Variants in TBC1D9 observed in about 807,000 individuals in gnomAD.
TBC1D9 encodes TBC1 domain family member 9A.
TBC1D9 carries 63 observed loss-of-function variants against 132.0 expected under a neutral mutation model. That is an observed-to-expected ratio of 0.48 (90% CI 0.39 to 0.59). The LOEUF is 0.59. Among genes scored for constraint, TBC1D9 ranks in the 20% least tolerant of loss-of-function variants. The pLI is 0.00. For missense variants in TBC1D9, 1,261 were observed against 1,592.7 expected (o/e 0.79, Z 3.54); for synonymous variants, 610 against 609.9 (o/e 1.00, Z 0.00).
In TBC1D9 at chr4:140,624,108, G is replaced by T; in HGVS notation, c.3078+8C>A. On this transcript the variant is annotated splice_region_variant and intron_variant, in intron 20 of 20. Transcript: ENST00000442267. ...TTGAAGCGAATGATTTGAACTTTAAGCACTTACCTGATTTAATTTGGGTAA... is the reference window on the plus strand; with the variant it reads ...TTGAAGCGAATGATTTGAACTTTAATCACTTACCTGATTTAATTTGGGTAA... The T allele has an allele frequency of 6.3e-7, 1 of 1,591,660 alleles. No homozygotes were observed. Among genetic ancestry groups the T allele is most frequent in the Non-Finnish European group, 8.6e-7 (1 of 1,165,808 alleles).
chr4:140,730,004 C>A (rs1738563191), intron 1 of TBC1D9, among the ~76,000 whole-genome samples: 1 of 152,032 alleles, frequency 6.6e-6, no homozygotes, highest in African/African-American at 2.4e-5. Flanking sequence ...GGCCAAAATT[C>A]TCCATTTTAG....
chr4:140,654,977 G>A (rs1737243481), intron 13 of TBC1D9, among the ~76,000 whole-genome samples: 2 of 151,934 alleles, frequency 1.3e-5, no homozygotes, highest in Admixed American at 1.3e-4. Flanking sequence ...AGGGAACTAG[G>A]TAAATAAATT....
At position 140,624,181 on chromosome 4, in the gene TBC1D9, T is replaced by G; in HGVS notation, c.3013A>C (p.Arg1005=). ...ANSQENRNYL[R]LWTPENKSKS... ...GATTTATTTTCTGGAGTCCACAGTC[T>G]CAAATAATTACGATTTTCTTGGGAA... The change falls in exon 20 of 21, where the codon AGA becomes CGA. Residue 1005 remains arginine (R), a synonymous_variant. Transcript: ENST00000442267. 1 of 1,612,240 alleles carries G rather than the reference T, an allele frequency of 6.2e-7. No homozygotes were observed. Among genetic ancestry groups the G allele is most frequent in the Non-Finnish European group, 8.5e-7 (1 of 1,178,970 alleles).
intron 1 of TBC1D9, among the ~76,000 whole-genome samples, chr4:140,723,375 G>A (rs7659321): frequency 0.39 from 59,359 of 151,996 alleles, 13,900 homozygotes; most frequent in African/African-American, 0.65. Context: ...TCACTCTGTC[G>A]CCCAGGCCAG....
chr4:140,684,308 T>A (rs1283907576), intron 3 of TBC1D9, among the ~76,000 whole-genome samples: 1 of 152,024 alleles, frequency 6.6e-6, no homozygotes, highest in African/African-American at 2.4e-5. Flanking sequence ...CATAAGGTGT[T>A]TGGATTATGG....
intron 1 of TBC1D9, 91 bp downstream of exon 1, chr4:140,755,825 G>T: frequency 7.3e-7 from 1 of 1,371,310 alleles, no homozygotes. Context: ...CCAGGGGACC[G>T]GGCGGCGTCT....
chr4:140,735,281 A>T (rs964639751), intron 1 of TBC1D9, among the ~76,000 whole-genome samples: 2 of 152,216 alleles, frequency 1.3e-5, no homozygotes, highest in Non-Finnish European at 2.9e-5. Context: ...TCTCTAAGAC[A>T]AAGATCTGGC....
At position 140,622,898 on chromosome 4, in the gene TBC1D9, C is replaced by T; in HGVS notation, c.3098G>A (p.Cys1033Tyr). 1 of 1,554,956 alleles carries T rather than the reference C, an allele frequency of 6.4e-7. No individual in the cohort carries two copies. Among genetic ancestry groups the T allele is most frequent in the Non-Finnish European group, 8.7e-7 (1 of 1,152,830 alleles). The change falls in exon 21 of 21, where the codon TGT becomes TAT. Residue 1033 changes from cysteine to tyrosine, a missense_variant. By Grantham distance (194) the Cys-to-Tyr change is radical. Coordinates refer to ENST00000442267, the MANE Select transcript of TBC1D9 (RefSeq NM_015130.3). ...KLNQGQFIEL[C>Y]KTMYNMFSED... is the part of the protein sequence containing the mutation. ...GCTGAACATGTTATACATTGTCTTA[C>T]ACAGTTCAATGAACTGCCCCTGAAA...
chr4:140,701,240 C>G (rs1467369876), intron 2 of TBC1D9, among the ~76,000 whole-genome samples: 1 of 152,126 alleles, frequency 6.6e-6, no homozygotes, highest in Non-Finnish European at 1.5e-5. Context: ...GTATGCTGAC[C>G]TTGGAGGCCT....
rs1291134458 is a variant in TBC1D9, at chr4:140,679,596, G to A, written c.589+19C>T. On this transcript the variant is annotated intron_variant, in intron 4 of 20. Coordinates refer to ENST00000442267, the MANE Select transcript of TBC1D9 (RefSeq NM_015130.3). ...AGTAGACTTTCCAAAGTTTCCTGCT[G>A]AAATTTTAGATGACTTACCTTCCCT... 7 of 1,594,186 alleles carry A rather than the reference G, an allele frequency of 4.4e-6. No individual in the cohort carries two copies. Among genetic ancestry groups the A allele is most frequent in the Non-Finnish European group, 5.2e-6 (6 of 1,164,294 alleles).
chr4:140,626,831 A>G (rs1460221144), intron 18 of TBC1D9, among the ~76,000 whole-genome samples: 1 of 152,178 alleles, frequency 6.6e-6, no homozygotes, highest in Non-Finnish European at 1.5e-5. Flanking sequence ...TAGCCACTCA[A>G]TTCTGCAGCA....
At position 140,627,478 on chromosome 4, in the gene TBC1D9, C is replaced by T. The variant is rs1249133911; in HGVS notation, c.2862G>A (p.Gln954=). ...DEPDSAFEAT[Q]YFFEDITPEC... ...CTGGGGTAATATCTTCAAAGAAGTACTGAGTTGCTTCAAAAGCAGAATCTG... is the reference window on the plus strand; with the variant it reads ...CTGGGGTAATATCTTCAAAGAAGTATTGAGTTGCTTCAAAAGCAGAATCTG... Residue 954 remains glutamine, a synonymous_variant, in exon 18 of 21, where the codon CAG becomes CAA. Coordinates refer to ENST00000442267, the MANE Select transcript of TBC1D9 (RefSeq NM_015130.3). 7 of 1,611,184 alleles carry T rather than the reference C, an allele frequency of 4.3e-6. No homozygotes were observed. The East Asian group carries it at 1.6e-4, about 36-fold the overall frequency.
chr4:140,673,211 C>G (rs895504637), intron 6 of TBC1D9, among the ~76,000 whole-genome samples: 2 of 151,748 alleles, frequency 1.3e-5, no homozygotes, highest in African/African-American at 4.8e-5. Flanking sequence ...TTAATAATTT[C>G]TTCAAAATCT....
At position 140,622,322 on chromosome 4, in the gene TBC1D9, G is replaced by T; in HGVS notation, c.3674C>A (p.Ala1225Asp). 1 of 1,613,802 alleles carries T rather than the reference G, an allele frequency of 6.2e-7. No homozygotes were observed. The highest frequency in any genetic ancestry group is 8.5e-7 in the Non-Finnish European group (1 of 1,179,710). The change falls in exon 21 of 21, where the codon GCC (alanine) becomes GAC (aspartate). Residue 1225 changes from alanine (A) to aspartate (D), a missense_variant. This residue lies in a region of TBC1D9 where 618 missense variants were observed against 724.4 expected (regional missense o/e 0.85). Transcript: ENST00000442267. ...GGGCTTGTCAAAGTACTTGACCAGGGCAGGCTCAGTTAAGAGGGAGGCCAG... is the reference window on the plus strand; with the variant it reads ...GGGCTTGTCAAAGTACTTGACCAGGTCAGGCTCAGTTAAGAGGGAGGCCAG... The part of the protein sequence containing the change: ...QFLASLLTEP[A>D]LVKYFDKPVC...
At chr4:140,722,611 T>C (rs1374398282) in intron 1 of TBC1D9, among the ~76,000 whole-genome samples, 1 of 152,168 alleles carries the variant, frequency 6.6e-6, no homozygotes, top group Non-Finnish European at 1.5e-5. Flanking sequence ...AATCACATAA[T>C]GATAGAGAAC....
chr4:140,734,828 A>C (rs966951840), intron 1 of TBC1D9, among the ~76,000 whole-genome samples: 3 of 151,974 alleles, frequency 2.0e-5, no homozygotes, highest in Non-Finnish European at 4.4e-5. Context: ...AATTTGAAAA[A>C]CCTAATTAAT....
At chr4:140,686,316 T>C (rs753623021) in intron 3 of TBC1D9, 28 bp downstream of exon 3, 2 of 1,257,554 alleles carry the variant, frequency 1.6e-6, no homozygotes, top group South Asian at 2.5e-5. Context: ...TTATTTCCAA[T>C]TAAAATGTTT....
intron 13 of TBC1D9, chr4:140,643,393 T>A: frequency 3.1e-6 from 2 of 651,660 alleles, no homozygotes; most frequent in Non-Finnish European, 4.3e-6. Context: ...GGCAGCTCCA[T>A]GGCCACCTCC....
chr4:140,665,679 C>G (rs953215811), intron 9 of TBC1D9, among the ~76,000 whole-genome samples: 1 of 151,950 alleles, frequency 6.6e-6, no homozygotes, highest in Non-Finnish European at 1.5e-5. Flanking sequence ...AATTTTAAAT[C>G]TATATTTTAT....
Sources: gnomAD v4.1 joint callset for allele counts (sites outside exome capture counted in the v4.1 genomes callset) on GRCh38, gnomAD v4.1.1 for gene constraint, gnomAD v4.1.1 regional missense constraint, MANE v1.5 for transcripts, NCBI Gene and HGNC (gene_info 2026-07-23, HGNC 2026-07-21) for gene names.